Variants in IPCEF1 observed in about 807,000 individuals in gnomAD.
The protein encoded by IPCEF1 is interaction protein for cytohesin exchange factors 1, also known as interactor protein for cytohesin exchange factors 1.
Under a neutral mutation model 50.9 loss-of-function variants are expected in IPCEF1, and 31 were observed. The observed-to-expected ratio is 0.61, with a 90% CI of 0.46 to 0.82. The LOEUF (loss-of-function observed/expected upper bound fraction) is 0.82. IPCEF1 is among the 40% of genes least tolerant of loss of function. IPCEF1 has a pLI of 0.00. For missense variants in IPCEF1, 458 were observed against 514.0 expected (o/e 0.89, Z 1.05); for synonymous variants, 181 against 192.0 (o/e 0.94, Z 0.47).
rs1320905708 is a variant in IPCEF1, at chr6:154,356,212, T to C, written c.-62+460A>G. The stretch of plus-strand genomic sequence containing the variant: ...CTAGCTTTCATTTTTATACCAGAGA[T>C]ATTTTGGCAAGCCTGAGACCTTTAT... On this transcript the variant is annotated intron_variant, in intron 1 of 11. Coordinates refer to ENST00000367220, the MANE Select transcript of IPCEF1 (RefSeq NM_001130700.2). Among the ~76,000 whole-genome samples the C allele has an allele frequency of 3.3e-5, 5 of 152,320 alleles. No homozygotes were observed. In the East Asian group the frequency reaches 9.6e-4, roughly 29 times the overall value.
chr6:154,318,005 A>G, intron 1 of IPCEF1, among the ~76,000 whole-genome samples: 1 of 152,276 alleles, frequency 6.6e-6, no homozygotes, highest in East Asian at 1.9e-4. Flanking sequence ...AGTAATAAAC[A>G]GAAACAAAAT....
intron 11 of IPCEF1, among the ~76,000 whole-genome samples, chr6:154,166,282 G>C (rs1191336644): frequency 6.6e-6 from 1 of 152,160 alleles, no homozygotes; most frequent in Non-Finnish European, 1.5e-5. Context: ...CACAAAGTTG[G>C]CCCCCCAGTG....
chr6:154,308,001 C>T (rs558234288), intron 1 of IPCEF1, among the ~76,000 whole-genome samples: 4 of 152,156 alleles, frequency 2.6e-5, no homozygotes, highest in South Asian at 4.1e-4. Context: ...GTGGCTTGAA[C>T]GTTGCCCCTT....
intron 10 of IPCEF1, among the ~76,000 whole-genome samples, chr6:154,195,139 TTTTC>T (rs1277433797): frequency 2.1e-5 from 3 of 140,102 alleles, no homozygotes; most frequent in African/African-American, 5.5e-5. Flanking sequence ...ATAATTTTTC[TTTTC>T]TTTCTTTTTT....
intron 2 of IPCEF1, among the ~76,000 whole-genome samples, chr6:154,268,601 C>T (rs1282412722): frequency 6.6e-6 from 1 of 152,124 alleles, no homozygotes; most frequent in Non-Finnish European, 1.5e-5. Flanking sequence ...CACCTCTGTC[C>T]TTATATCCCT....
rs867209839 is a variant in IPCEF1, at chr6:154,262,647, T to A, written c.36+3265A>T. ...CAGTTGGAAGATTACATCCTTTCAGTGGAAAAGGTGGAGCAATATAAGAAT... is the reference window on the plus strand; with the variant it reads ...CAGTTGGAAGATTACATCCTTTCAGAGGAAAAGGTGGAGCAATATAAGAAT... On this transcript the variant is annotated intron_variant, in intron 3 of 11. Transcript: ENST00000367220. Among the ~76,000 whole-genome samples the A allele has an allele frequency of 9.2e-5, 14 of 152,288 alleles. No individual in the cohort carries two copies. The Middle Eastern group carries it at 0.017, about 185-fold the overall frequency.
At chr6:154,211,260 C>CA (rs1404946556) in intron 9 of IPCEF1, among the ~76,000 whole-genome samples, 4 of 151,966 alleles carry the variant, frequency 2.6e-5, no homozygotes, top group Admixed American at 2.0e-4. Context: ...ACTAAAAATA[C>CA]AAAAAATTAG....
chr6:154,182,960 C>T (rs1039455149), intron 10 of IPCEF1, among the ~76,000 whole-genome samples: 2 of 151,676 alleles, frequency 1.3e-5, no homozygotes, highest in Admixed American at 6.6e-5. Flanking sequence ...GAAGGCTGAA[C>T]AAATAAATGC....
At chr6:154,242,612 T>C (rs1264539230) in intron 5 of IPCEF1, among the ~76,000 whole-genome samples, 1 of 152,082 alleles carries the variant, frequency 6.6e-6, no homozygotes, top group Non-Finnish European at 1.5e-5. Flanking sequence ...ATAGGCCAAG[T>C]GCGGTGGCTC....
At chr6:154,221,546 C>T (rs1778859009) in intron 6 of IPCEF1, among the ~76,000 whole-genome samples, 1 of 152,148 alleles carries the variant, frequency 6.6e-6, no homozygotes, top group Non-Finnish European at 1.5e-5. Flanking sequence ...CAGAACAGGG[C>T]TGAGTCTTAG....
intron 1 of IPCEF1, among the ~76,000 whole-genome samples, chr6:154,341,394 T>C (rs944006022): frequency 6.6e-6 from 1 of 152,210 alleles, no homozygotes; most frequent in Non-Finnish European, 1.5e-5. Flanking sequence ...CTGAAAGCCC[T>C]TGGGGCTTGA....
chr6:154,278,583 A>C (rs971873394), intron 2 of IPCEF1, among the ~76,000 whole-genome samples: 13 of 142,306 alleles, frequency 9.1e-5, no homozygotes, highest in Non-Finnish European at 2.0e-4. Context: ...GTTTTCAATA[A>C]GTAAGAAGGT....
intron 1 of IPCEF1, among the ~76,000 whole-genome samples, chr6:154,344,650 C>A (rs1009153245): frequency 2.6e-5 from 4 of 152,310 alleles, no homozygotes; most frequent in Middle Eastern, 3.4e-3. Context: ...CAACTACCAT[C>A]ACAGATGGCG....
At chr6:154,287,093 T>C (rs1484798804) in intron 2 of IPCEF1, among the ~76,000 whole-genome samples, 1 of 151,924 alleles carries the variant, frequency 6.6e-6, no homozygotes, top group Non-Finnish European at 1.5e-5. Context: ...CCCCCTTTCT[T>C]TTTTTTAAAA....
At chr6:154,209,414 GC>G (rs1485780120) in intron 9 of IPCEF1, among the ~76,000 whole-genome samples, 1 of 152,028 alleles carries the variant, frequency 6.6e-6, no homozygotes, top group Admixed American at 6.5e-5. Context: ...ACTTTGGGAG[GC>G]CAAGGTGAGT....
intron 1 of IPCEF1, among the ~76,000 whole-genome samples, chr6:154,331,400 A>AAAGAAAG (rs1491080052): frequency 7.3e-6 from 1 of 136,290 alleles, no homozygotes; most frequent in Non-Finnish European, 1.6e-5. Flanking sequence ...AGAAAGAAAG[A>AAAGAAAG]AAGAAAGAGA....
chr6:154,231,082 A>G (rs1484237289), intron 5 of IPCEF1, among the ~76,000 whole-genome samples: 1 of 152,226 alleles, frequency 6.6e-6, no homozygotes, highest in East Asian at 1.9e-4. Context: ...CACTGGAAAC[A>G]GATGAGGTCT....
intron 9 of IPCEF1, among the ~76,000 whole-genome samples, chr6:154,207,388 C>T (rs1371359612): frequency 1.3e-5 from 2 of 152,158 alleles, no homozygotes; most frequent in African/African-American, 4.8e-5. Context: ...TATATATAGT[C>T]ACTGAGAATT....
Position 154,280,233 on chromosome 6 carries a change from C to T in IPCEF1, c.-18+9480G>A, listed in dbSNP as rs77796842. On this transcript the variant is annotated intron_variant, in intron 2 of 11. Coordinates refer to ENST00000367220, the MANE Select transcript of IPCEF1 (RefSeq NM_001130700.2). The stretch of plus-strand genomic sequence containing the variant: ...TGTGTGCAAATGTATGCTGAAAATG[C>T]GTAACAATGGTTCTATCCAGTTCAT... Among the ~76,000 whole-genome samples the T allele has an allele frequency of 8.8e-3, 1,341 of 152,212 alleles. 26 individuals carry two copies. Among genetic ancestry groups the T allele is most frequent in the African/African-American group, 0.031 (1,285 of 41,510 alleles).
Sources: allele counts gnomAD v4.1 joint callset (sites outside exome capture counted in the v4.1 genomes callset), GRCh38; gene constraint gnomAD v4.1.1; transcripts MANE v1.5; gene names NCBI Gene and HGNC (gene_info 2026-07-23, HGNC 2026-07-21).